The following PLK4 variants were observed in gnomAD, a reference collection of about 807,000 sequenced individuals.
The protein encoded by PLK4 is polo like kinase 4.
A neutral mutation model predicts 103.0 loss-of-function variants in PLK4; 51 were observed. The ratio of observed to expected loss-of-function variants is 0.50; its 90% CI spans 0.40 to 0.63. The LOEUF is 0.63. Among genes scored for constraint, PLK4 ranks in the 20% least tolerant of loss-of-function variants. The pLI is 0.00. For missense variants in PLK4, 1,054 were observed against 1,151.0 expected (o/e 0.92, Z 1.22); for synonymous variants, 389 against 376.8 (o/e 1.03, Z -0.38).
chr4:127,893,232 A>G (rs1319905952), intron 10 of PLK4, 53 bp from the exon 11 acceptor site: 3 of 1,104,284 alleles, frequency 2.7e-6, no homozygotes, highest in Non-Finnish European at 3.9e-6. Context: ...ATATAAATCT[A>G]GGAATATTTT....
rs1735435072 is a variant in PLK4 at position 127,893,313 on chromosome 4, C to T, written c.2217C>T (p.Phe739=). 1.3e-6 allele frequency: 2 copies of T among 1,590,466 alleles called. No homozygotes were observed. Among genetic ancestry groups the T allele is most frequent in the Non-Finnish European group, 1.7e-6 (2 of 1,165,430 alleles). Residue 739 remains phenylalanine (F), a synonymous_variant, in exon 11 of 16, where the codon TTC becomes TTT. Coordinates refer to ENST00000270861, the MANE Select transcript of PLK4 (RefSeq NM_014264.5). ...TAAAAATACACAAAACAGAAGATTT[C>T]ATTCAGGTGATTGAAAAGACAGGGA... ...DGVKIHKTED[F]IQVIEKTGKS...
In PLK4 at chr4:127,886,180, A is replaced by T; in HGVS notation, c.810A>T (p.Ser270=). Reference sequence around the variant, plus strand: ...ATCCTTTTATGTCCCGAAATTCTTCAACAAAAAGTAAAGATTTAGGAACTG... The same window carrying T: ...ATCCTTTTATGTCCCGAAATTCTTCTACAAAAAGTAAAGATTTAGGAACTG... ...LDHPFMSRNS[S]TKSKDLGTVE... Residue 270 remains serine, a synonymous_variant, in exon 5 of 16, where the codon TCA becomes TCT. Transcript: ENST00000270861. The T allele has an allele frequency of 6.2e-7, 1 of 1,614,078 alleles. No individual in the cohort carries two copies. The highest frequency in any genetic ancestry group is 8.5e-7 in the Non-Finnish European group (1 of 1,180,002).
intron 10 of PLK4, 158 bp from the exon 11 acceptor site, chr4:127,893,127 T>C (rs527595931): frequency 1.0e-5 from 5 of 482,322 alleles, no homozygotes; most frequent in South Asian, 3.9e-5. Context: ...TCCATATTTA[T>C]TGAATGCTTT....
At chr4:127,890,569 C>T (rs1735318470) in intron 7 of PLK4, among the ~76,000 whole-genome samples, 1 of 151,946 alleles carries the variant, frequency 6.6e-6, no homozygotes, top group South Asian at 2.1e-4. Context: ...TAATATTATC[C>T]TTTGCTTCTA....
At chr4:127,891,528 T>C (rs766936643) in intron 8 of PLK4, 51 bp from the exon 9 acceptor site, 1 of 705,676 alleles carries the variant, frequency 1.4e-6, no homozygotes. Flanking sequence ...CAAGATATAG[T>C]ACTGGAACTT....
intron 8 of PLK4, among the ~76,000 whole-genome samples, 162 bp downstream of exon 8, chr4:127,891,358 T>G (rs1735352153): frequency 6.6e-6 from 1 of 151,928 alleles, no homozygotes; most frequent in Admixed American, 6.6e-5. Flanking sequence ...TAAACATATT[T>G]AAATAAATTG....
At chr4:127,896,745 C>A in intron 14 of PLK4, 56 bp from the exon 15 acceptor site, 2 of 915,354 alleles carry the variant, frequency 2.2e-6, no homozygotes, top group Non-Finnish European at 3.5e-6. Flanking sequence ...TGTGCTACTA[C>A]TGCTGTTTTT....
At chr4:127,881,782 C>T in intron 1 of PLK4, 49 bp from the exon 2 acceptor site, 1 of 1,104,336 alleles carries the variant, frequency 9.1e-7, no homozygotes, top group South Asian at 1.3e-5. Context: ...TTCCCATCTT[C>T]CTTTCTACTG....
chr4:127,885,282 A>G (rs779914230), intron 4 of PLK4, among the ~76,000 whole-genome samples: 3 of 152,148 alleles, frequency 2.0e-5, no homozygotes, highest in South Asian at 2.1e-4. Flanking sequence ...GATTGAGACC[A>G]TCCTGGCTAA....
chr4:127,882,830 G>A (rs1734979636), intron 2 of PLK4, among the ~76,000 whole-genome samples: 1 of 152,078 alleles, frequency 6.6e-6, no homozygotes, highest in South Asian at 2.1e-4. Flanking sequence ...TGAGGTGGGA[G>A]GATAGATTGT....
At position 127,890,216 on chromosome 4, in the gene PLK4, C is replaced by A. The variant is rs1296058645; in HGVS notation, c.1810C>A (p.Gln604Lys). The change falls in exon 7 of 16, where the codon CAG becomes AAG. Residue 604 changes from glutamine (Q) to lysine (K), a missense_variant. Gln to Lys is a moderately conservative substitution (Grantham distance 53, BLOSUM62 1). Around this residue, in one of 4 missense-constraint regions of PLK4, gnomAD observed 680 missense variants for 660.3 expected, o/e 1.03. Coordinates refer to ENST00000270861, the MANE Select transcript of PLK4 (RefSeq NM_014264.5). ...TGCTCACAGGTTAAAACCAATCAGA[C>A]AGAAAACCAAAAAGGCTGTGGTATG... ...LVAHRLKPIR[Q>K]KTKKAVVSIL... 1.9e-6 allele frequency: 3 copies of A among 1,597,666 alleles called. No individual in the cohort carries two copies. Among genetic ancestry groups the A allele is most frequent in the South Asian group, 1.1e-5 (1 of 89,080 alleles).
Position 127,895,009 on chromosome 4 carries a change from T to C in PLK4, c.2619T>C (p.Ser873=). The part of the protein sequence containing the change: ...LTTTASGTDI[S]SNSLKDCLPK... ...CTACAGCTTCTGGAACAGACATCTC[T>C]TCTAATAGTCTAAAAGATTGTCTTC... Residue 873 remains serine (S), a synonymous_variant, in exon 14 of 16, where the codon TCT becomes TCC. Coordinates refer to ENST00000270861, the MANE Select transcript of PLK4 (RefSeq NM_014264.5). 6.2e-7 allele frequency: 1 copy of C among 1,606,058 alleles called. No individual in the cohort carries two copies. Among genetic ancestry groups the C allele is most frequent in the Non-Finnish European group, 8.5e-7 (1 of 1,173,380 alleles).
At chr4:127,895,701 G>A (rs569871910) in intron 14 of PLK4, among the ~76,000 whole-genome samples, 3 of 152,008 alleles carry the variant, frequency 2.0e-5, no homozygotes, top group South Asian at 4.2e-4. Context: ...GATTACAGGC[G>A]TGAGCCACTG....
rs1054352853 is a variant in PLK4, at chr4:127,898,614, T to A, written c.*73T>A. Reference sequence around the variant, plus strand: ...GACTTTCAAGTAAAGTGATTTTTTTTAATTTAACATAAAGTCTTCAGAAAG... The same window carrying A: ...GACTTTCAAGTAAAGTGATTTTTTTAAATTTAACATAAAGTCTTCAGAAAG... On this transcript the variant is annotated 3_prime_UTR_variant, in exon 16 of 16. Transcript: ENST00000270861. 271 of 738,608 alleles carry A rather than the reference T, an allele frequency of 3.7e-4. No individual in the cohort carries two copies. The highest frequency in any genetic ancestry group is 5.9e-4 in the Non-Finnish European group (254 of 429,474). 45.8% of individuals were successfully genotyped at this position (738,608 alleles called of 1,614,324 possible).
Position 127,890,243 on chromosome 4 carries a change from C to G in PLK4, c.1830+7C>G, listed in dbSNP as rs367752526. On this transcript the variant is annotated splice_region_variant and intron_variant, in intron 7 of 15. Transcript: ENST00000270861. ...GAAAACCAAAAAGGCTGTGGTATGT[C>G]TGTTATCTTCTTAAGTTACTAAATA... is the stretch of plus-strand genomic sequence containing the variant. 1,169 of 1,569,922 alleles carry G rather than the reference C, an allele frequency of 7.4e-4. 2 individuals are homozygous for G. Among genetic ancestry groups the G allele is most frequent in the Non-Finnish European group, 9.0e-4 (1,046 of 1,159,546 alleles).
rs780106984 is a variant in PLK4, at chr4:127,886,528, TAGTC to T, written c.1163_1166del (p.Gln388LeufsTer97). ...CCTCTGATAGATCTGGCACTTCTAATAGTCAGTCTCAAGCAAAAACATATACAAT... is the reference window on the plus strand; with the variant it reads ...CCTCTGATAGATCTGGCACTTCTAATAGTCTCAAGCAAAAACATATACAAT... On this transcript the variant is annotated frameshift_variant, in exon 5 of 16. Coordinates refer to ENST00000270861, the MANE Select transcript of PLK4 (RefSeq NM_014264.5). LOFTEE classifies it high-confidence loss of function. The T allele has an allele frequency of 2.3e-5, 37 of 1,613,862 alleles. No homozygotes were observed. The highest frequency in any genetic ancestry group is 5.5e-5 in the South Asian group (5 of 91,080).
intron 1 of PLK4, chr4:127,881,458 G>C: frequency 8.1e-7 from 1 of 1,229,906 alleles, no homozygotes; most frequent in Non-Finnish European, 1.1e-6. Flanking sequence ...GAGCAGGGCA[G>C]GGCTACCTCC....
In PLK4 at chr4:127,880,925, G is replaced by C; in HGVS notation, c.-210G>C. On this transcript the variant is annotated 5_prime_UTR_variant, in exon 1 of 16. Transcript: ENST00000270861. ...GCCTAGCTCGGACGGCAAGCGGCGGGAGATTTTCAAAATGGGAGCCCAGAG... is the reference window on the plus strand; with the variant it reads ...GCCTAGCTCGGACGGCAAGCGGCGGCAGATTTTCAAAATGGGAGCCCAGAG... 1.7e-6 allele frequency: 1 copy of C among 594,608 alleles called. No homozygotes were observed. The highest frequency in any genetic ancestry group is 3.0e-6 in the Non-Finnish European group (1 of 335,450). The allele number at this position is 594,608 out of a possible 1,614,324, so 36.8% of individuals were successfully genotyped here.
In PLK4 at chr4:127,886,415, A is replaced by T. The variant is rs1227437614; in HGVS notation, c.1045A>T (p.Asn349Tyr). 6.2e-7 allele frequency: 1 copy of T among 1,614,086 alleles called. No homozygotes were observed. The highest frequency in any genetic ancestry group is 2.2e-5 in the East Asian group (1 of 44,876). Reference protein sequence around the residue: ...DGNSFYTQWGNQETSNSGRGR... With the variant: ...DGNSFYTQWGYQETSNSGRGR... The stretch of plus-strand genomic sequence containing the variant: ...AAACAGTTTTTATACTCAGTGGGGA[A>T]ATCAAGAAACCAGTAATAGTGGAAG... The change falls in exon 5 of 16, where the codon AAT (asparagine) becomes TAT (tyrosine). Residue 349 changes from asparagine (N) to tyrosine (Y), a missense_variant. Around this residue, in one of 4 missense-constraint regions of PLK4, gnomAD observed 680 missense variants for 660.3 expected, o/e 1.03. Transcript: ENST00000270861.
Sources: allele counts gnomAD v4.1 joint callset (sites outside exome capture counted in the v4.1 genomes callset), GRCh38; gene constraint gnomAD v4.1.1; regional missense constraint gnomAD v4.1.1; transcripts MANE v1.5; gene names NCBI Gene and HGNC (gene_info 2026-07-23, HGNC 2026-07-21).